TPX2: variants seen among roughly 807,000 people sequenced by gnomAD.
The protein encoded by TPX2 is targeting protein for Xklp2.
In TPX2, 21 loss-of-function variants were observed where a neutral mutation model predicts 93.6. The observed-to-expected ratio is 0.22, with a 90% CI of 0.16 to 0.32. TPX2 has a LOEUF of 0.32. Ranked by LOEUF, TPX2 falls within the 10% of genes least tolerant of loss-of-function variation. The pLI, the probability that TPX2 is intolerant of heterozygous loss-of-function variation, is 1.00. For missense variants in TPX2, 776 were observed against 871.1 expected (o/e 0.89, Z 1.37); for synonymous variants, 281 against 298.3 (o/e 0.94, Z 0.60).
chr20:31,776,114 C>T, intron 8 of TPX2, 126 bp downstream of exon 8: 2 of 965,314 alleles, frequency 2.1e-6, no homozygotes, highest in Non-Finnish European at 2.6e-6. Flanking sequence ...CGCTCTGTCG[C>T]CCAGGCCGGA....
chr20:31,750,175 G>A (rs1420690531), intron 2 of TPX2, among the ~76,000 whole-genome samples: 1 of 141,424 alleles, frequency 7.1e-6, no homozygotes, highest in Non-Finnish European at 1.5e-5. Flanking sequence ...TTTTTTTTTT[G>A]AGACGGAGTT....
At chr20:31,772,971 C>CTTTT (rs558541526) in intron 7 of TPX2, among the ~76,000 whole-genome samples, 34 of 96,482 alleles carry the variant, frequency 3.5e-4, no homozygotes, top group Non-Finnish European at 4.7e-4. Flanking sequence ...GTGCCATCGG[C>CTTTT]TTTTTTTTTT....
Position 31,783,788 on chromosome 20 carries a change from C to A in TPX2, c.1280C>A (p.Pro427His). The stretch of plus-strand genomic sequence containing the variant: ...CCCAAGAAACCACCTGTGAAACCAC[C>A]CACCGAGCCTATTGGCTTTGATTTG... ...ILPKKPPVKPPTEPIGFDLEI... is the reference protein window; with the variant it reads ...ILPKKPPVKPHTEPIGFDLEI... The change falls in exon 12 of 18, where the codon CCC becomes CAC. Residue 427 changes from proline to histidine, a missense_variant. Transcript: ENST00000300403. The A allele has an allele frequency of 6.2e-7, 1 of 1,613,288 alleles. No homozygotes were observed. Among genetic ancestry groups the A allele is most frequent in the Admixed American group, 1.7e-5 (1 of 59,806 alleles).
At chr20:31,794,610 C>G in intron 15 of TPX2, 62 bp downstream of exon 15, 1 of 1,579,762 alleles carries the variant, frequency 6.3e-7, no homozygotes, top group Non-Finnish European at 8.6e-7. Context: ...TACAGGCAGA[C>G]CCACCATACT....
At position 31,742,598 on chromosome 20, in the gene TPX2, T is replaced by C. The variant is rs950840410; in HGVS notation, c.-120T>C. 4 of 152,180 alleles carry C rather than the reference T, an allele frequency of 2.6e-5. No individual in the cohort carries two copies. The highest frequency in any genetic ancestry group is 2.6e-4 in the Admixed American group (4 of 15,270). The allele number at this position is 152,180 out of a possible 1,614,324, so 9.4% of individuals were successfully genotyped here. A position where few individuals can be genotyped will look rare whatever the true frequency, so the allele number is the denominator to read the frequency against. On this transcript the variant is annotated 5_prime_UTR_variant, in exon 2 of 18. Coordinates refer to ENST00000300403, the MANE Select transcript of TPX2 (RefSeq NM_012112.5). ...TTCAGAAAAGGGGTGAAAGAGAAGA[T>C]TGCAACTTTGAGTCAGACCTGTAGG... is the stretch of plus-strand genomic sequence containing the variant.
chr20:31,785,418 A>G (rs1026922061), intron 12 of TPX2, among the ~76,000 whole-genome samples: 1 of 152,176 alleles, frequency 6.6e-6, no homozygotes, highest in Admixed American at 6.5e-5. Flanking sequence ...TACATACAAG[A>G]TAATGGAGCC....
At chr20:31,780,573 T>G (rs1401354295) in intron 10 of TPX2, among the ~76,000 whole-genome samples, 1 of 152,220 alleles carries the variant, frequency 6.6e-6, no homozygotes, top group Non-Finnish European at 1.5e-5. Flanking sequence ...GCAATTTTTA[T>G]TTAAAACTTT....
chr20:31,760,468 C>G (rs761766782), intron 4 of TPX2, among the ~76,000 whole-genome samples: 4 of 151,802 alleles, frequency 2.6e-5, no homozygotes, highest in Admixed American at 6.6e-5. Context: ...CTCACTGCAG[C>G]CTCAAACTCC....
In TPX2 at chr20:31,783,916, G is replaced by T; in HGVS notation, c.1408G>T (p.Val470Phe). ...TTGCCCTACTAAGATTTTGGAAGAT[G>T]TTGTGGTAAGGTTGAGGCTATGTGT... ...RPCPTKILED[V>F]VGVPEKKVLP... is the part of the protein sequence containing the mutation. The change falls in exon 12 of 18, where the codon GTT (valine) becomes TTT (phenylalanine). Residue 470 changes from valine to phenylalanine, a missense_variant. Val to Phe is a conservative substitution (Grantham distance 50, BLOSUM62 -1). Around this residue, in one of 3 missense-constraint regions of TPX2, gnomAD observed 461 missense variants for 551.2 expected, o/e 0.84. Transcript: ENST00000300403. The T allele has an allele frequency of 6.2e-7, 1 of 1,613,442 alleles. No individual in the cohort carries two copies. The highest frequency in any genetic ancestry group is 1.3e-5 in the African/African-American group (1 of 75,018).
chr20:31,786,215 G>A (rs779392432), intron 12 of TPX2, among the ~76,000 whole-genome samples: 19 of 151,868 alleles, frequency 1.3e-4, no homozygotes, highest in Non-Finnish European at 2.8e-4. Flanking sequence ...ACTAGTGAGC[G>A]GCAGAGCTAG....
intron 12 of TPX2, among the ~76,000 whole-genome samples, chr20:31,790,593 CA>C (rs1386623299): frequency 6.6e-6 from 1 of 152,170 alleles, no homozygotes; most frequent in Non-Finnish European, 1.5e-5. Flanking sequence ...CCAAGAAAGA[CA>C]TTCCAAACAT....
intron 10 of TPX2, among the ~76,000 whole-genome samples, chr20:31,780,670 AT>A (rs1953814771): frequency 1.3e-5 from 2 of 152,226 alleles, no homozygotes. Context: ...TACCACTGTT[AT>A]GTGACAAGAC....
rs182383289 is a variant in TPX2 at position 31,794,303 on chromosome 20, G to A, written c.1687-99G>A. 282 of 1,467,356 alleles carry A rather than the reference G, an allele frequency of 1.9e-4. 1 individual carries two copies. In the African/African-American group the frequency reaches 3.4e-3, roughly 18 times the overall value. 90.9% of individuals were successfully genotyped at this position (1,467,356 alleles called of 1,614,324 possible). A position where few individuals can be genotyped will look rare whatever the true frequency, so the allele number is the denominator to read the frequency against. On this transcript the variant is annotated intron_variant, in intron 14 of 17. Transcript: ENST00000300403. The stretch of plus-strand genomic sequence containing the variant: ...TCATTCTTTCATGCTGCTTTGAAAG[G>A]TTTCCTTCCTTATTTTTCAGATTCT...
At chr20:31,752,493 A>G (rs2061825854) in intron 2 of TPX2, among the ~76,000 whole-genome samples, 1 of 152,180 alleles carries the variant, frequency 6.6e-6, no homozygotes, top group Non-Finnish European at 1.5e-5. Flanking sequence ...GTTAATTTCT[A>G]ATTCTCTATA....
chr20:31,749,894 C>T (rs1056624272), intron 2 of TPX2, among the ~76,000 whole-genome samples: 16 of 151,794 alleles, frequency 1.1e-4, no homozygotes, highest in African/African-American at 3.1e-4. Context: ...ATTTTTAGTT[C>T]TATATAGAAA....
chr20:31,788,790 C>T (rs2062082954), intron 12 of TPX2, among the ~76,000 whole-genome samples: 1 of 152,094 alleles, frequency 6.6e-6, no homozygotes, highest in Admixed American at 6.5e-5. Flanking sequence ...CGGGGCACCA[C>T]GGAGGTGGAT....
At chr20:31,778,750 G>T in intron 9 of TPX2, 63 bp from the exon 10 acceptor site, 2 of 1,441,092 alleles carry the variant, frequency 1.4e-6, no homozygotes, top group African/African-American at 2.9e-5. Context: ...CGAATATGTG[G>T]CTTATGGTAG....
At chr20:31,771,728 A>G (rs2061965824) in intron 7 of TPX2, 46 bp downstream of exon 7, 1 of 1,579,342 alleles carries the variant, frequency 6.3e-7, no homozygotes, top group East Asian at 2.2e-5. Context: ...ATGGTATAAA[A>G]TTACAGATTT....
In TPX2 at chr20:31,792,819, AAAG is replaced by A; in HGVS notation, c.1503_1505del (p.Glu501del). ...GAAGAACAGAATTCGAATGCCCACC[AAAG>A]AAGATGAGGTGATTCCCTGGGAGTA... is the stretch of plus-strand genomic sequence containing the variant. On this transcript the variant is annotated inframe_deletion, in exon 13 of 18. Coordinates refer to ENST00000300403, the MANE Select transcript of TPX2 (RefSeq NM_012112.5). 1 of 1,614,124 alleles carries A rather than the reference AAAG, an allele frequency of 6.2e-7. No individual in the cohort carries two copies. The highest frequency in any genetic ancestry group is 1.3e-5 in the African/African-American group (1 of 75,038).
Sources: allele counts gnomAD v4.1 joint callset (sites outside exome capture counted in the v4.1 genomes callset), GRCh38; gene constraint gnomAD v4.1.1; regional missense constraint gnomAD v4.1.1; transcripts MANE v1.5; gene names NCBI Gene and HGNC (gene_info 2026-07-23, HGNC 2026-07-21).